DLX5: variants seen among roughly 807,000 people sequenced by gnomAD.
DLX5 encodes the protein distal-less homeobox 5, also known as homeobox protein DLX-5.
In DLX5, 8 loss-of-function variants were observed where a neutral mutation model predicts 27.1. The ratio of observed to expected loss-of-function variants is 0.30; its 90% CI spans 0.17 to 0.53. DLX5 has a LOEUF of 0.53. Ranked by LOEUF, DLX5 falls within the 20% of genes least tolerant of loss-of-function variation. The probability of loss-of-function intolerance (pLI) is 0.95; values close to 1 mark genes in which losing one functional copy is unlikely to be tolerated. For synonymous variants in DLX5, 178 were observed against 161.9 expected (o/e 1.10, Z -0.75); for missense variants, 339 against 375.1 (o/e 0.90, Z 0.80).
chr7:97,023,629 A>G, intron 1 of DLX5, among the ~76,000 whole-genome samples: 1 of 151,660 alleles, frequency 6.6e-6, no homozygotes, highest in South Asian at 2.1e-4. Context: ...ATGGAGACAG[A>G]AAAAAAAATC....
In DLX5 at chr7:97,021,941, G is replaced by T; in HGVS notation, c.540+244C>A. 9 of 608,718 alleles carry T rather than the reference G, an allele frequency of 1.5e-5. No individual in the cohort carries two copies. In the East Asian group the frequency reaches 2.5e-4, roughly 17 times the overall value. 37.7% of individuals were successfully genotyped at this position (608,718 alleles called of 1,614,324 possible). On this transcript the variant is annotated intron_variant, in intron 2 of 2. Transcript: ENST00000648378. ...CGAAATTGGCCCCACAGCTCCGGAG[G>T]CCCGCTACGGGGTGGGGGCGGGGGG...
rs751606335 is a variant in DLX5, at chr7:97,024,568, G to T, written c.56C>A (p.Ala19Asp). 6.2e-7 allele frequency: 1 copy of T among 1,610,420 alleles called. No homozygotes were observed. The highest frequency in any genetic ancestry group is 8.5e-7 in the Non-Finnish European group (1 of 1,176,870). ...VPSIRSGDFQ[A>D]PFQTSAAMHH... ...CATAGCTGCGGACGTCTGGAACGGA[G>T]CTTGGAAGTCGCCGGATCGGATGCT... The change falls in exon 1 of 3, where the codon GCT (alanine) becomes GAT (aspartate). Residue 19 changes from alanine (A) to aspartate (D), a missense_variant. By Grantham distance (126) the Ala-to-Asp change is moderately radical. Transcript: ENST00000648378. This position sits in a 1 kb window ranked among gnomAD's most constrained non-coding sequence, Gnocchi z 4.6.
rs372558150 is a variant in DLX5, at chr7:97,022,354, T to C, written c.371A>G (p.Glu124Gly). 1.5e-5 allele frequency: 24 copies of C among 1,614,006 alleles called. No individual in the cohort carries two copies. The highest frequency in any genetic ancestry group is 1.9e-5 in the Non-Finnish European group (22 of 1,180,052). ...ATNQPEKEVTEPEVRMVNGKP... is the reference protein window; with the variant it reads ...ATNQPEKEVTGPEVRMVNGKP... ...GCCATTCACCATTCTCACCTCGGGC[T>C]CGGTCACTTCTTTCTCTAAATAATC... The change falls in exon 2 of 3, where the codon GAG becomes GGG. Residue 124 changes from glutamate to glycine, a missense_variant. Physicochemically the swap from Glu to Gly is moderately conservative, Grantham distance 98. Around this residue, in one of 3 missense-constraint regions of DLX5, gnomAD observed 188 missense variants for 206.1 expected, o/e 0.91. Transcript: ENST00000648378.
chr7:97,024,780 CGAG>C lies in DLX5; in HGVS notation c.-160_-158del. 3.1e-6 allele frequency: 2 copies of C among 645,578 alleles called. No homozygotes were observed. The highest frequency in any genetic ancestry group is 4.2e-5 in the South Asian group (2 of 47,342). The allele number at this position is 645,578 out of a possible 1,614,324, so 40.0% of individuals were successfully genotyped here. A position where few individuals can be genotyped will look rare whatever the true frequency, so the allele number is the denominator to read the frequency against. On this transcript the variant is annotated 5_prime_UTR_variant, in exon 1 of 3. Coordinates refer to ENST00000648378, the MANE Select transcript of DLX5 (RefSeq NM_005221.6). This position sits in a 1 kb window ranked among gnomAD's most constrained non-coding sequence, Gnocchi z 4.6. ...GAGAAGGAGGAGGCGGCGGCCGCGG[CGAG>C]GAGGAGACTGGGAGTCGTGAAGTCT... is the stretch of plus-strand genomic sequence containing the variant.
In DLX5 at chr7:97,020,791, G is replaced by A. The variant is rs563982917; in HGVS notation, c.815C>T (p.Pro272Leu). ...CGGGTGCTGTAAGGAGCCCGGCGGC[G>A]GCAGGTGGGAATTGATTGAGCTGGC... The part of the protein sequence containing the change: ...SAASSINSHL[P>L]PPGSLQHPLA... Residue 272 changes from proline to leucine, a missense_variant, in exon 3 of 3, where the codon CCG (proline) becomes CTG (leucine). Coordinates refer to ENST00000648378, the MANE Select transcript of DLX5 (RefSeq NM_005221.6). 36 of 1,611,192 alleles carry A rather than the reference G, an allele frequency of 2.2e-5. No homozygotes were observed. The highest frequency in any genetic ancestry group is 2.9e-5 in the Non-Finnish European group (34 of 1,177,668).
rs1790131870 is a variant in DLX5 at position 97,024,030 on chromosome 7, C to T, written c.355+239G>A. The stretch of plus-strand genomic sequence containing the variant: ...GCTGGGAATTCAGCGACTGAAGGGC[C>T]TTGGAAGGTGCCGGAGGGGAGAGAC... On this transcript the variant is annotated intron_variant, in intron 1 of 2. Coordinates refer to ENST00000648378, the MANE Select transcript of DLX5 (RefSeq NM_005221.6). This position sits in a 1 kb window ranked among gnomAD's most constrained non-coding sequence, Gnocchi z 4.6. 6.6e-6 allele frequency among the ~76,000 whole-genome samples: 1 copy of T among 152,198 alleles called. No homozygotes were observed. Among genetic ancestry groups the T allele is most frequent in the Non-Finnish European group, 1.5e-5 (1 of 68,040 alleles).
At chr7:97,022,668 T>C (rs1303607723) in intron 1 of DLX5, 4 of 924,896 alleles carry the variant, frequency 4.3e-6, no homozygotes, top group African/African-American at 1.8e-5. Context: ...TTGCTTCTTC[T>C]CCCGGACTTG....
intron 1 of DLX5, among the ~76,000 whole-genome samples, chr7:97,023,368 G>C (rs1480683132): frequency 6.6e-6 from 1 of 151,330 alleles, no homozygotes; most frequent in Non-Finnish European, 1.5e-5. Context: ...GTGTGTGTGT[G>C]TGTGTGTCAA....
Position 97,024,185 on chromosome 7 carries a change from G to A in DLX5, c.355+84C>T, listed in dbSNP as rs1480357187. On this transcript the variant is annotated intron_variant, in intron 1 of 2. Transcript: ENST00000648378. The surrounding 1 kb of genome is among the most constrained non-coding windows in gnomAD (Gnocchi z 4.6). ...TGCGCCCCCACTGCCGTGAACCGCT[G>A]TGACCCCCAATCTACCACCCCATCT... 7 of 1,354,260 alleles carry A rather than the reference G, an allele frequency of 5.2e-6. No individual in the cohort carries two copies. Among genetic ancestry groups the A allele is most frequent in the Non-Finnish European group, 7.0e-6 (7 of 995,590 alleles). 83.9% of individuals were successfully genotyped at this position (1,354,260 alleles called of 1,614,324 possible).
chr7:97,021,181 G>C, intron 2 of DLX5, 116 bp from the exon 3 acceptor site: 1 of 980,584 alleles, frequency 1.0e-6, no homozygotes, highest in Non-Finnish European at 1.5e-6. Context: ...CCTGCCTGGC[G>C]TCTCCCCGCC....
chr7:97,022,417 C>G (rs747048605), intron 1 of DLX5, 48 bp from the exon 2 acceptor site: 72 of 1,605,476 alleles, frequency 4.5e-5, no homozygotes, highest in Non-Finnish European at 5.6e-5. Flanking sequence ...CAGACAATGC[C>G]CCTTTTGCGG....
rs1010730351 is a variant in DLX5 at position 97,022,620 on chromosome 7, C to T, written c.356-251G>A. The T allele has an allele frequency of 1.0e-5, 10 of 985,074 alleles. No homozygotes were observed. The Admixed American group carries it at 2.5e-4, about 24-fold the overall frequency. 61.0% of individuals were successfully genotyped at this position (985,074 alleles called of 1,614,324 possible). ...GTGCAAAGCGCTTCCTACAACACTG[C>T]TTTCTCCTTGGCATCTGGGATTCAG... On this transcript the variant is annotated intron_variant, in intron 1 of 2. Transcript: ENST00000648378.
At chr7:97,023,337 G>GGTGTGTGTGTGTGT (rs10525881) in intron 1 of DLX5, among the ~76,000 whole-genome samples, 8 of 145,508 alleles carry the variant, frequency 5.5e-5, no homozygotes, top group Middle Eastern at 3.5e-3. Flanking sequence ...ACCTCTCCAG[G>GGTGTGTGTGTGTGT]GTGTGTGTGT....
chr7:97,021,703 G>A (rs1790064000), intron 2 of DLX5, among the ~76,000 whole-genome samples: 1 of 152,156 alleles, frequency 6.6e-6, no homozygotes. Flanking sequence ...ACCCTTCGGT[G>A]GCCGTGGCCT....
At chr7:97,022,052 G>A (rs1301876546) in intron 2 of DLX5, 133 bp downstream of exon 2, 44 of 1,050,512 alleles carry the variant, frequency 4.2e-5, no homozygotes, top group African/African-American at 7.8e-5. Flanking sequence ...AAAGCATAGG[G>A]GCTGATGTCT....
intron 1 of DLX5, among the ~76,000 whole-genome samples, chr7:97,023,931 C>T (rs1790130199): frequency 6.6e-6 from 1 of 152,150 alleles, no homozygotes; most frequent in Non-Finnish European, 1.5e-5. Flanking sequence ...TACGCAAACG[C>T]CAGGAGCTGC....
chr7:97,022,015 C>T, intron 2 of DLX5, 170 bp downstream of exon 2: 1 of 746,142 alleles, frequency 1.3e-6, no homozygotes, highest in Non-Finnish European at 2.2e-6. Flanking sequence ...ACCATCCCCA[C>T]CGTCTCAAGG....
chr7:97,024,734 G>A lies in DLX5; in HGVS notation c.-111C>T, dbSNP rs1196095914. The A allele has an allele frequency of 2.1e-6, 2 of 953,542 alleles. No homozygotes were observed. The highest frequency in any genetic ancestry group is 3.3e-5 in the African/African-American group (2 of 61,138). 59.1% of individuals were successfully genotyped at this position (953,542 alleles called of 1,614,324 possible). A position where few individuals can be genotyped will look rare whatever the true frequency, so the allele number is the denominator to read the frequency against. ...CAGACATGGCTGTGGGAGCGAGGGA[G>A]GAGGAGGAAGAGGAGGAGGAGAGAA... On this transcript the variant is annotated 5_prime_UTR_variant, in exon 1 of 3. Transcript: ENST00000648378. The surrounding 1 kb of genome is among the most constrained non-coding windows in gnomAD (Gnocchi z 4.6).
chr7:97,022,426 G>C (rs997481752), intron 1 of DLX5, 57 bp from the exon 2 acceptor site: 1 of 1,601,244 alleles, frequency 6.2e-7, no homozygotes, highest in Admixed American at 1.7e-5. Flanking sequence ...CCCCTTTTGC[G>C]GAAGGGCCTC....
Sources: gnomAD v4.1 joint callset for allele counts (sites outside exome capture counted in the v4.1 genomes callset) on GRCh38, gnomAD v4.1.1 for gene constraint, gnomAD v4.1.1 regional missense constraint, Gnocchi (gnomAD v3.1) non-coding constraint, MANE v1.5 for transcripts, NCBI Gene and HGNC (gene_info 2026-07-23, HGNC 2026-07-21) for gene names.